The following PLEKHA3 variants were observed in gnomAD, a reference collection of about 807,000 sequenced individuals.
The protein encoded by PLEKHA3 is pleckstrin homology domain-containing family A member 3.
A neutral mutation model predicts 39.2 loss-of-function variants in PLEKHA3; 19 were observed. The ratio of observed to expected loss-of-function variants is 0.48; its 90% CI spans 0.34 to 0.71. The LOEUF (loss-of-function observed/expected upper bound fraction) is 0.71, where lower values mean the gene tolerates loss of function less well. Among genes scored for constraint, PLEKHA3 ranks in the 30% least tolerant of loss-of-function variants. The pLI is 0.01. For synonymous variants in PLEKHA3, 97 were observed against 118.6 expected (o/e 0.82, Z 1.18); for missense variants, 253 against 359.5 (o/e 0.70, Z 2.40).
intron 1 of PLEKHA3, 78 bp downstream of exon 1, chr2:178,480,987 C>G: frequency 1.1e-5 from 14 of 1,242,888 alleles, no homozygotes; most frequent in Non-Finnish European, 1.5e-5. Context: ...TCCTCTTCCT[C>G]CGTCTGGCCT....
intron 1 of PLEKHA3, among the ~76,000 whole-genome samples, chr2:178,481,292 T>C (rs1026900202): frequency 1.3e-5 from 2 of 152,264 alleles, no homozygotes; most frequent in Non-Finnish European, 2.9e-5. Context: ...ATGGACCCTT[T>C]AATTGTTTCA....
At chr2:178,498,403 A>G (rs1685479084) in intron 5 of PLEKHA3, among the ~76,000 whole-genome samples, 1 of 152,184 alleles carries the variant, frequency 6.6e-6, no homozygotes, top group African/African-American at 2.4e-5. Flanking sequence ...TTTGCATAAC[A>G]TCAATGTTAG....
At chr2:178,484,028 G>A (rs1685212054) in intron 1 of PLEKHA3, among the ~76,000 whole-genome samples, 1 of 152,180 alleles carries the variant, frequency 6.6e-6, no homozygotes, top group Non-Finnish European at 1.5e-5. Flanking sequence ...GGTGAGCCAT[G>A]TTCATGCCAC....
At chr2:178,492,333 C>T in intron 3 of PLEKHA3, among the ~76,000 whole-genome samples, 1 of 150,862 alleles carries the variant, frequency 6.6e-6, no homozygotes, top group Non-Finnish European at 1.5e-5. Flanking sequence ...TGGAAATAAC[C>T]CAAATGTTCA....
At chr2:178,490,852 C>T in intron 3 of PLEKHA3, 38 bp downstream of exon 3, 1 of 1,498,790 alleles carries the variant, frequency 6.7e-7, no homozygotes, top group Non-Finnish European at 9.0e-7. Flanking sequence ...AGAGTACTTT[C>T]TTAAATATAA....
At chr2:178,499,315 T>C (rs1685494535) in intron 6 of PLEKHA3, 61 bp downstream of exon 6, 1 of 1,539,960 alleles carries the variant, frequency 6.5e-7, no homozygotes, top group Non-Finnish European at 8.9e-7. Flanking sequence ...GGGAAGTTCT[T>C]TGGGCCTTTA....
intron 1 of PLEKHA3, among the ~76,000 whole-genome samples, chr2:178,483,995 T>G (rs1240560988): frequency 6.6e-6 from 1 of 152,128 alleles, no homozygotes; most frequent in Admixed American, 6.5e-5. Context: ...GAGCACCTTT[T>G]GAGCCTAGGA....
intron 1 of PLEKHA3, among the ~76,000 whole-genome samples, chr2:178,484,224 A>G (rs1457938349): frequency 6.6e-6 from 1 of 152,202 alleles, no homozygotes; most frequent in Admixed American, 6.5e-5. Context: ...CTGGGAATGC[A>G]GTGATGAACA....
At chr2:178,485,043 G>A (rs1685226811) in intron 1 of PLEKHA3, among the ~76,000 whole-genome samples, 1 of 152,212 alleles carries the variant, frequency 6.6e-6, no homozygotes, top group Non-Finnish European at 1.5e-5. Context: ...AATTCATTTA[G>A]CACTCATTGT....
At position 178,505,858 on chromosome 2, in the gene PLEKHA3, G is replaced by A. The variant is rs550258524; in HGVS notation, c.*1971G>A. On this transcript the variant is annotated 3_prime_UTR_variant, in exon 8 of 8. Transcript: ENST00000234453. ...AAAACAGGTCCTTGAACAGGTTTGCGGTATCCCTAAGTATGTCTTTTGTTA... is the reference window on the plus strand; with the variant it reads ...AAAACAGGTCCTTGAACAGGTTTGCAGTATCCCTAAGTATGTCTTTTGTTA... 1.3e-5 allele frequency: 2 copies of A among 151,866 alleles called. No individual in the cohort carries two copies. Among genetic ancestry groups the A allele is most frequent in the Non-Finnish European group, 2.9e-5 (2 of 67,930 alleles). 9.4% of individuals were successfully genotyped at this position (151,866 alleles called of 1,614,324 possible).
chr2:178,492,990 T>C lies in PLEKHA3; in HGVS notation c.314-863T>C, dbSNP rs1057510298. On this transcript the variant is annotated intron_variant, in intron 3 of 7. Transcript: ENST00000234453. ...AAATATGAGCAGGAATTGATTTAGG[T>C]TAGATTAAATGCGCAGATAGAGCTG... Among the ~76,000 whole-genome samples the C allele has an allele frequency of 2.6e-5, 4 of 152,268 alleles. No individual in the cohort carries two copies. The East Asian group carries it at 7.7e-4, about 29-fold the overall frequency.
rs1233777351 is a variant in PLEKHA3, at chr2:178,506,276, A to G, written c.*2389A>G. The G allele has an allele frequency of 6.6e-6, 1 of 152,150 alleles. No homozygotes were observed. Among genetic ancestry groups the G allele is most frequent in the Non-Finnish European group, 1.5e-5 (1 of 68,018 alleles). 9.4% of individuals were successfully genotyped at this position (152,150 alleles called of 1,614,324 possible). A position where few individuals can be genotyped will look rare whatever the true frequency, so the allele number is the denominator to read the frequency against. On this transcript the variant is annotated 3_prime_UTR_variant, in exon 8 of 8. Coordinates refer to ENST00000234453, the MANE Select transcript of PLEKHA3 (RefSeq NM_019091.4). Reference sequence around the variant, plus strand: ...AATTTGGAGGTTCTCTTGGCAGCCTATCAGTGATCTTCTAAGCAAAAGCAG... The same window carrying G: ...AATTTGGAGGTTCTCTTGGCAGCCTGTCAGTGATCTTCTAAGCAAAAGCAG...
chr2:178,483,991 C>T (rs917927643), intron 1 of PLEKHA3, among the ~76,000 whole-genome samples: 1 of 152,134 alleles, frequency 6.6e-6, no homozygotes, highest in Middle Eastern at 3.2e-3. Context: ...GTGGGAGCAC[C>T]TTTTGAGCCT....
chr2:178,493,744 T>G, intron 3 of PLEKHA3, 109 bp from the exon 4 acceptor site: 211 of 936,208 alleles, frequency 2.3e-4, no homozygotes, highest in Non-Finnish European at 2.9e-4. Flanking sequence ...TCACATTTCT[T>G]GAGCTATAGG....
At position 178,504,727 on chromosome 2, in the gene PLEKHA3, T is replaced by C. The variant is rs1685580011; in HGVS notation, c.*840T>C. 1 of 152,344 alleles carries C rather than the reference T, an allele frequency of 6.6e-6. No individual in the cohort carries two copies. Among genetic ancestry groups the C allele is most frequent in the Admixed American group, 6.6e-5 (1 of 15,244 alleles). The allele number at this position is 152,344 out of a possible 1,614,324, so 9.4% of individuals were successfully genotyped here. A position where few individuals can be genotyped will look rare whatever the true frequency, so the allele number is the denominator to read the frequency against. On this transcript the variant is annotated 3_prime_UTR_variant, in exon 8 of 8. Transcript: ENST00000234453. The stretch of plus-strand genomic sequence containing the variant: ...TGCTTTTTTTTTCCTAAAATAGATA[T>C]TAAGCTGCTGTTGTAAAGTATTGTT...
intron 2 of PLEKHA3, among the ~76,000 whole-genome samples, chr2:178,489,451 C>CTTTTTTTTTT (rs71023445): frequency 4.9e-5 from 4 of 82,370 alleles, no homozygotes; most frequent in African/African-American, 2.0e-4. Context: ...TCTTTTCCTT[C>CTTTTTTTTTT]TTTTTTTTTT....
At chr2:178,501,032 C>A in intron 6 of PLEKHA3, 29 bp from the exon 7 acceptor site, 1 of 1,464,938 alleles carries the variant, frequency 6.8e-7, no homozygotes, top group Non-Finnish European at 9.5e-7. Flanking sequence ...TAAGGCCTTA[C>A]AATTTAATGC....
At chr2:178,494,906 C>CTTTT (rs143346176) in intron 4 of PLEKHA3, among the ~76,000 whole-genome samples, 1 of 122,272 alleles carries the variant, frequency 8.2e-6, no homozygotes, top group Admixed American at 8.4e-5. Flanking sequence ...AACTTCTCAT[C>CTTTT]TTTTTTTTTT....
At chr2:178,491,717 T>C (rs967091581) in intron 3 of PLEKHA3, among the ~76,000 whole-genome samples, 3 of 152,212 alleles carry the variant, frequency 2.0e-5, no homozygotes, top group African/African-American at 7.2e-5. Context: ...TCTGTTGCTT[T>C]GACACAATAC....
Sources: gnomAD v4.1 joint callset for allele counts (sites outside exome capture counted in the v4.1 genomes callset) on GRCh38, gnomAD v4.1.1 for gene constraint, MANE v1.5 for transcripts, NCBI Gene and HGNC (gene_info 2026-07-23, HGNC 2026-07-21) for gene names.